The following USP11 variants were observed in gnomAD, a reference collection of about 807,000 sequenced individuals.
USP11 encodes the protein ubiquitin carboxyl-terminal hydrolase 11.
USP11 carries 5 observed loss-of-function variants against 72.8 expected under a neutral mutation model. The ratio of observed to expected loss-of-function variants is 0.07; its 90% CI spans 0.04 to 0.14. The LOEUF (loss-of-function observed/expected upper bound fraction) is 0.14. USP11 is among the 10% of genes least tolerant of loss of function. The pLI, the probability that USP11 is intolerant of heterozygous loss-of-function variation, is 1.00. For missense variants in USP11, 480 were observed against 794.7 expected, an observed-to-expected ratio of 0.60 and a Z score of 4.76; for synonymous variants, 368 against 326.5, an observed-to-expected ratio of 1.13 and a Z score of -1.37.
rs751312451 is a variant in USP11, at chrX:47,247,204, C to G, written c.2403C>G (p.Leu801=). ...TCTCCCGAGAGAAGCTGGACACCCT[C>G]GTGGAGTTTCCTATCCGGTCAGGGG... ...TKFSREKLDT[L]VEFPIRDLDF... The change falls in exon 18 of 21, where the codon CTC becomes CTG. Residue 801 remains leucine (L), a synonymous_variant. Coordinates refer to ENST00000377107, the MANE Select transcript of USP11 (RefSeq NM_001371072.1). The G allele has an allele frequency of 1.7e-6, 2 of 1,210,651 alleles. No individual in the cohort carries two copies. Among genetic ancestry groups the G allele is most frequent in the Non-Finnish European group, 2.2e-6 (2 of 895,297 alleles).
chrX:47,240,514 G>T, intron 5 of USP11, 64 bp downstream of exon 5: 2 of 1,209,245 alleles, frequency 1.7e-6, no homozygotes, highest in African/African-American at 3.5e-5. Context: ...GGCAGTACTC[G>T]GGGGAAATGA....
chrX:47,239,281 G>A, intron 2 of USP11, 70 bp from the exon 3 acceptor site: 1 of 1,183,613 alleles, frequency 8.4e-7, no homozygotes, highest in Non-Finnish European at 1.1e-6. Flanking sequence ...GTCACTGGTG[G>A]GGTGGCCAGA....
At chrX:47,240,165 G>T in intron 4 of USP11, 140 bp from the exon 5 acceptor site, 1 of 882,529 alleles carries the variant, frequency 1.1e-6, no homozygotes, top group African/African-American at 2.0e-5. Context: ...TGGAGTGTGG[G>T]CCAGTCATTT....
chrX:47,238,468 G>A (rs1433976279), intron 1 of USP11, among the ~76,000 whole-genome samples: 1 of 100,314 alleles, frequency 1.0e-5, no homozygotes, highest in Non-Finnish European at 2.0e-5. Context: ...GATTACTGGC[G>A]TGAGCCACTG....
intron 9 of USP11, 36 bp downstream of exon 9, chrX:47,241,735 C>A: frequency 8.7e-7 from 1 of 1,151,450 alleles, no homozygotes; most frequent in Non-Finnish European, 1.2e-6. Flanking sequence ...CAATTAACAT[C>A]ACCAAGGCCT....
At chrX:47,233,460 T>G in intron 1 of USP11, 1 of 1,038,288 alleles carries the variant, frequency 9.6e-7, no homozygotes, top group Non-Finnish European at 1.2e-6. Flanking sequence ...GGGTTTGTTG[T>G]GATGAGACCA....
chrX:47,233,205 G>A lies in USP11; in HGVS notation c.162G>A (p.Arg54=), dbSNP rs2055353610. The change falls in exon 1 of 21, where the codon CGG becomes CGA. Residue 54 remains arginine (R), a synonymous_variant. Transcript: ENST00000377107. ...NGESGRERPL[R]AGESWFLVEK... is the part of the protein sequence containing the mutation. ...AGAGTGGGCGAGAACGTCCACTGCGGGCCGGCGAAAGCTGGTGAGGCTGGG... is the reference window on the plus strand; with the variant it reads ...AGAGTGGGCGAGAACGTCCACTGCGAGCCGGCGAAAGCTGGTGAGGCTGGG... 2 of 1,171,772 alleles carry A rather than the reference G, an allele frequency of 1.7e-6. No individual in the cohort carries two copies. Among genetic ancestry groups the A allele is most frequent in the Non-Finnish European group, 2.3e-6 (2 of 873,524 alleles).
intron 1 of USP11, among the ~76,000 whole-genome samples, chrX:47,235,304 C>T (rs1255205870): frequency 8.9e-6 from 1 of 112,104 alleles, no homozygotes; most frequent in Non-Finnish European, 1.9e-5. Context: ...ACTGTGAGCC[C>T]TTATCTTCGC....
In USP11 at chrX:47,247,936, C is replaced by T. The variant is rs781504402; in HGVS notation, c.*6C>T. The T allele has an allele frequency of 1.0e-5, 12 of 1,159,537 alleles. No homozygotes were observed. In the African/African-American group the frequency reaches 1.7e-4, roughly 17 times the overall value. On this transcript the variant is annotated 3_prime_UTR_variant, in exon 21 of 21. Coordinates refer to ENST00000377107, the MANE Select transcript of USP11 (RefSeq NM_001371072.1). ...AGTTCATGGATGTTAATTGAGAGCCCTGGGTCCTGCCACAGAAAAAAAAAA... is the reference window on the plus strand; with the variant it reads ...AGTTCATGGATGTTAATTGAGAGCCTTGGGTCCTGCCACAGAAAAAAAAAA...
At position 47,245,010 on chromosome X, in the gene USP11, C is replaced by G; in HGVS notation, c.2087-6C>G. Reference sequence around the variant, plus strand: ...GGATCCATGACCACCTCTCCCTCACCCCCAGCCCAGCCGTACATTGCTATC... The same window carrying G: ...GGATCCATGACCACCTCTCCCTCACGCCCAGCCCAGCCGTACATTGCTATC... On this transcript the variant is annotated splice_region_variant and splice_polypyrimidine_tract_variant and intron_variant, in intron 15 of 20. Coordinates refer to ENST00000377107, the MANE Select transcript of USP11 (RefSeq NM_001371072.1). The G allele has an allele frequency of 8.3e-7, 1 of 1,211,762 alleles. No individual in the cohort carries two copies. Among genetic ancestry groups the G allele is most frequent in the Non-Finnish European group, 1.1e-6 (1 of 895,411 alleles).
Position 47,244,750 on chromosome X carries a change from C to T in USP11, c.1912C>T (p.Pro638Ser), listed in dbSNP as rs2055423184. The T allele has an allele frequency of 8.3e-7, 1 of 1,207,543 alleles. No homozygotes were observed. The highest frequency in any genetic ancestry group is 1.8e-5 in the African/African-American group (1 of 56,599). ...TGGGGGCAGCCTCCGAGACCCTGAG[C>T]CAGAGCAGGCTGGGCCCAGCTCTGG... Reference protein sequence around the residue: ...STGGSLRDPEPEQAGPSSGVT... With the variant: ...STGGSLRDPESEQAGPSSGVT... The change falls in exon 15 of 21, where the codon CCA becomes TCA. Residue 638 changes from proline (P) to serine (S), a missense_variant. Transcript: ENST00000377107.
rs180838911 is a variant in USP11, at chrX:47,242,615, C to T, written c.1489-11C>T. 9.9e-4 allele frequency: 1,191 copies of T among 1,206,126 alleles called. 11 individuals are homozygous for T. In the African/African-American group the frequency reaches 0.019, roughly 19 times the overall value. On this transcript the variant is annotated splice_polypyrimidine_tract_variant and intron_variant, in intron 11 of 20. Transcript: ENST00000377107. ...CAGACTAACAGTCCCCTCTCCATAT[C>T]CCATTCCTAGATGATGGTGGCTGAT...
At chrX:47,243,642 C>G (rs1569236384) in intron 13 of USP11, 40 bp downstream of exon 13, 2 of 1,164,530 alleles carry the variant, frequency 1.7e-6, no homozygotes, top group African/African-American at 1.8e-5. Context: ...GCGGAGGGGT[C>G]TGAACTCCGA....
In USP11 at chrX:47,247,672, C is replaced by A. The variant is rs151106709; in HGVS notation, c.2598C>A (p.Val866=). The A allele has an allele frequency of 3.7e-3, 4,438 of 1,208,903 alleles. 14 individuals are homozygous for A. Among genetic ancestry groups the A allele is most frequent in the Non-Finnish European group, 4.3e-3 (3,875 of 894,885 alleles). ...GQWHYFDDNS[V]SPVNENQIES... ...GGCACTACTTTGATGACAACAGCGT[C>A]TCCCCTGTCAATGAGAATCAGATCG... Residue 866 remains valine (V), a synonymous_variant, in exon 20 of 21, where the codon GTC becomes GTA. Coordinates refer to ENST00000377107, the MANE Select transcript of USP11 (RefSeq NM_001371072.1).
Position 47,244,813 on chromosome X carries a change from C to T in USP11, c.1975C>T (p.Leu659Phe). Residue 659 changes from leucine to phenylalanine, a missense_variant, in exon 15 of 21, where the codon CTT (leucine) becomes TTT (phenylalanine). Physicochemically the swap from Leu to Phe is conservative, Grantham distance 22 (BLOSUM62 0). Coordinates refer to ENST00000377107, the MANE Select transcript of USP11 (RefSeq NM_001371072.1). ...NRCPFLLDNC[L>F]GTSQWPPRRR... is the part of the protein sequence containing the mutation. ...GTGCCCGTTCCTCCTGGACAATTGC[C>T]TTGGCACATCTCAGTGGCCCCCAAG... is the stretch of plus-strand genomic sequence containing the variant. 8.3e-7 allele frequency: 1 copy of T among 1,211,398 alleles called. No homozygotes were observed. The highest frequency in any genetic ancestry group is 1.8e-5 in the South Asian group (1 of 56,909).
At chrX:47,246,885 G>A (rs1236291052) in intron 17 of USP11, among the ~76,000 whole-genome samples, 187 bp from the exon 18 acceptor site, 2 of 110,415 alleles carry the variant, frequency 1.8e-5, no homozygotes, top group Non-Finnish European at 3.8e-5. Context: ...GCAGGGCATG[G>A]TGGTGCATGC....
intron 1 of USP11, 50 bp downstream of exon 1, chrX:47,233,269 T>G: frequency 9.7e-7 from 1 of 1,029,790 alleles, no homozygotes; most frequent in Non-Finnish European, 1.2e-6. Flanking sequence ...GTGGGGGCAT[T>G]GACAACCGCT....
At chrX:47,241,074 C>A (rs918043002) in intron 7 of USP11, 198 bp downstream of exon 7, 12 of 560,230 alleles carry the variant, frequency 2.1e-5, no homozygotes, top group Middle Eastern at 4.9e-4. Context: ...CCTCATTTTC[C>A]CTCTTCTCTT....
Position 47,240,647 on chromosome X carries a change from A to G in USP11, c.742A>G (p.Met248Val), listed in dbSNP as rs2055397609. The G allele has an allele frequency of 2.5e-6, 3 of 1,212,222 alleles. No homozygotes were observed. The highest frequency in any genetic ancestry group is 2.2e-6 in the Non-Finnish European group (2 of 895,607). The change falls in exon 6 of 21, where the codon ATG (methionine) becomes GTG (valine). Residue 248 changes from methionine to valine, a missense_variant and splice_region_variant. This residue lies in a region of USP11 where 80 missense variants were observed against 100.9 expected (regional missense o/e 0.79). Coordinates refer to ENST00000377107, the MANE Select transcript of USP11 (RefSeq NM_001371072.1). ...GTWPSAQLHV[M>V]NNNMSEEDED... ...TTGGCCCAGCGCACAGCTGCATGTC[A>G]TGTGAGCCCTTGGGGTATCTGGTCC...
Sources: allele counts gnomAD v4.1 joint callset (sites outside exome capture counted in the v4.1 genomes callset), GRCh38; gene constraint gnomAD v4.1.1; regional missense constraint gnomAD v4.1.1; transcripts MANE v1.5; gene names NCBI Gene and HGNC (gene_info 2026-07-23, HGNC 2026-07-21).